The following TENM3 variants were observed in gnomAD, a reference collection of about 807,000 sequenced individuals.
TENM3 encodes teneurin transmembrane protein 3, also known as teneurin-3.
A neutral mutation model predicts 255.1 loss-of-function variants in TENM3; 63 were observed. The observed-to-expected ratio is 0.25, with a 90% CI of 0.20 to 0.30. The LOEUF is 0.30. Among genes scored for constraint, TENM3 ranks in the 10% least tolerant of loss-of-function variants. The pLI is 1.00. For synonymous variants in TENM3, 1,306 were observed against 1,322.3 expected, an observed-to-expected ratio of 0.99 and a Z score of 0.27; for missense variants, 2,929 against 3,461.1, an observed-to-expected ratio of 0.85 and a Z score of 3.86.
intron 3 of TENM3, among the ~76,000 whole-genome samples, chr4:182,425,984 A>G (rs1315871355): frequency 6.9e-6 from 1 of 145,426 alleles, no homozygotes; most frequent in Non-Finnish European, 1.5e-5. Flanking sequence ...CTCCAGCCTA[A>G]GAGACAGAGC....
chr4:181,818,764 C>G, the TENM3 span, among the ~76,000 whole-genome samples: 2 of 152,182 alleles, frequency 1.3e-5, no homozygotes, highest in African/African-American at 4.8e-5. Flanking sequence ...TGCCTGCCAC[C>G]ATGCCCAGCA....
the TENM3 span, among the ~76,000 whole-genome samples, chr4:181,553,567 G>C: frequency 1.3e-5 from 2 of 151,632 alleles, no homozygotes; most frequent in African/African-American, 4.8e-5. Context: ...TCAGCCTCCC[G>C]AGTAGCTGGG....
In TENM3 at chr4:182,161,758, CAT is replaced by C. The variant is rs1378455615; in HGVS notation, c.-76+17011_-76+17012del. Reference sequence around the variant, plus strand: ...ACACAAATATATGTGTATATATATACATATATATGTGTATATATATATACACA... The same window carrying C: ...ACACAAATATATGTGTATATATATACATATATGTGTATATATATATACACA... On this transcript the variant is annotated intron_variant, in intron 1 of 2. Transcript: ENST00000512480. Among the ~76,000 whole-genome samples the C allele has an allele frequency of 4.7e-4, 23 of 48,514 alleles. 8 individuals carry two copies. Among genetic ancestry groups the C allele is most frequent in the Admixed American group, 1.0e-3 (4 of 3,816 alleles). 31.8% of individuals were successfully genotyped at this position (48,514 alleles called of 152,430 possible).
At chr4:182,565,146 C>T (rs1345506513) in intron 3 of TENM3, among the ~76,000 whole-genome samples, 3 of 152,142 alleles carry the variant, frequency 2.0e-5, no homozygotes, top group Non-Finnish European at 2.9e-5. Context: ...ATAAAGTACA[C>T]GTCTTAATGG....
chr4:182,130,790 T>C, the TENM3 span, among the ~76,000 whole-genome samples: 2 of 152,160 alleles, frequency 1.3e-5, no homozygotes, highest in East Asian at 3.9e-4. Flanking sequence ...CATTACATTA[T>C]ATTTATTTTG....
At position 182,215,910 on chromosome 4, in the gene TENM3, A is replaced by C. The variant is rs796650078; in HGVS notation, c.-76+71156A>C. ...TGAAAACTCGCCTTTGGAAGTGATA[A>C]AACATTACAACATGAAAACCTAATT... On this transcript the variant is annotated intron_variant, in intron 1 of 2. Coordinates refer to the TENM3 transcript ENST00000512480. 5.3e-5 allele frequency among the ~76,000 whole-genome samples: 8 copies of C among 152,320 alleles called. No individual in the cohort carries two copies. In the South Asian group the frequency reaches 1.7e-3, roughly 32 times the overall value.
the TENM3 span, among the ~76,000 whole-genome samples, chr4:181,980,557 G>A: frequency 6.6e-6 from 1 of 152,100 alleles, no homozygotes; most frequent in Non-Finnish European, 1.5e-5. Context: ...TTATTGAAGG[G>A]TGATATTGGA....
At chr4:182,720,682 G>A (rs905071458) in intron 13 of TENM3, among the ~76,000 whole-genome samples, 23 of 151,828 alleles carry the variant, frequency 1.5e-4, no homozygotes, top group South Asian at 4.1e-4. Context: ...CTCAAGGAAC[G>A]TAAGATTTAA....
At position 182,731,021 on chromosome 4, in the gene TENM3, A is replaced by G; in HGVS notation, c.2849A>G (p.Asp950Gly). ...CTAGTCATGAAGAAAGAAGAGAATG[A>G]CATTCCCAGCTGTGATCTGAGTGGA... is the stretch of plus-strand genomic sequence containing the variant. ...DTLVMKKEENDIPSCDLSGFV... is the reference protein window; with the variant it reads ...DTLVMKKEENGIPSCDLSGFV... Residue 950 changes from aspartate to glycine, a missense_variant, in exon 16 of 28, where the codon GAC (aspartate) becomes GGC (glycine). Asp to Gly is a moderately conservative substitution (Grantham distance 94). Around this residue, in one of 6 missense-constraint regions of TENM3, gnomAD observed 1,608 missense variants for 1,884.4 expected, o/e 0.85. Transcript: ENST00000511685. 1 of 1,613,940 alleles carries G rather than the reference A, an allele frequency of 6.2e-7. No individual in the cohort carries two copies. Among genetic ancestry groups the G allele is most frequent in the South Asian group, 1.1e-5 (1 of 91,070 alleles).
chr4:182,100,084 G>C, the TENM3 span, among the ~76,000 whole-genome samples: 3 of 151,934 alleles, frequency 2.0e-5, no homozygotes, highest in Admixed American at 1.3e-4. Flanking sequence ...CCCTGGAAAA[G>C]TCTAACACAC....
the TENM3 span, among the ~76,000 whole-genome samples, chr4:181,608,919 A>C: frequency 3.9e-5 from 6 of 152,212 alleles, no homozygotes; most frequent in African/African-American, 1.2e-4. Context: ...ATGACACATC[A>C]ACAAAGAGAG....
the TENM3 span, among the ~76,000 whole-genome samples, chr4:181,929,354 C>CA: frequency 0.031 from 3,745 of 122,126 alleles, 93 homozygotes; most frequent in South Asian, 0.094. Flanking sequence ...AATGGAAAGG[C>CA]AAAAAAAAAA....
chr4:182,027,998 A>G, the TENM3 span, among the ~76,000 whole-genome samples: 1 of 152,108 alleles, frequency 6.6e-6, no homozygotes, highest in Non-Finnish European at 1.5e-5. Flanking sequence ...TTTGTTAGGA[A>G]GCATTGTCTA....
chr4:182,722,920 G>T (rs1055411552), intron 13 of TENM3, among the ~76,000 whole-genome samples: 2 of 152,202 alleles, frequency 1.3e-5, no homozygotes, highest in African/African-American at 2.4e-5. Context: ...GAAAAAGGAA[G>T]AGACGAGGAG....
At chr4:181,560,847 A>G in the TENM3 span, among the ~76,000 whole-genome samples, 1 of 152,226 alleles carries the variant, frequency 6.6e-6, no homozygotes, top group Non-Finnish European at 1.5e-5. Context: ...GGTGCAGGGC[A>G]AAGCAAATCA....
the TENM3 span, among the ~76,000 whole-genome samples, chr4:182,004,930 G>A: frequency 6.6e-6 from 1 of 152,158 alleles, no homozygotes; most frequent in Admixed American, 6.5e-5. Context: ...TTTTCTTCTT[G>A]TAAATATGTT....
the TENM3 span, among the ~76,000 whole-genome samples, chr4:181,787,877 T>C: frequency 6.6e-6 from 1 of 152,132 alleles, no homozygotes; most frequent in Non-Finnish European, 1.5e-5. Flanking sequence ...AGTGGGCAAC[T>C]GTAGTCCGCA....
At chr4:182,121,705 C>A in the TENM3 span, among the ~76,000 whole-genome samples, 16 of 152,092 alleles carry the variant, frequency 1.1e-4, no homozygotes, top group African/African-American at 3.9e-4. Context: ...CTTCAGCAAG[C>A]CATAATATTT....
At chr4:181,951,956 T>C in the TENM3 span, among the ~76,000 whole-genome samples, 1 of 152,306 alleles carries the variant, frequency 6.6e-6, no homozygotes, top group East Asian at 1.9e-4. Flanking sequence ...GCTTGTCTAG[T>C]GGGATATGTT....
Sources: allele counts gnomAD v4.1 joint callset (sites outside exome capture counted in the v4.1 genomes callset), GRCh38; gene constraint gnomAD v4.1.1; regional missense constraint gnomAD v4.1.1; transcripts MANE v1.5; gene names NCBI Gene and HGNC (gene_info 2026-07-23, HGNC 2026-07-21).